The following CPNE4 variants were observed in gnomAD, a reference collection of about 807,000 sequenced individuals.
CPNE4 encodes copine 4.
A neutral mutation model predicts 67.9 loss-of-function variants in CPNE4; 25 were observed. That is an observed-to-expected ratio of 0.37 (90% CI 0.27 to 0.51). The LOEUF (loss-of-function observed/expected upper bound fraction) is 0.51, where lower values mean the gene tolerates loss of function less well. Among genes scored for constraint, CPNE4 ranks in the 20% least tolerant of loss-of-function variants. The pLI, the probability that CPNE4 is intolerant of heterozygous loss-of-function variation, is 0.93. For missense variants in CPNE4, 464 were observed against 690.8 expected (o/e 0.67, Z 3.68); for synonymous variants, 242 against 244.9 (o/e 0.99, Z 0.11).
At chr3:131,650,239 T>C (rs1587678) in intron 7 of CPNE4, among the ~76,000 whole-genome samples, 29,738 of 152,116 alleles carry the variant, frequency 0.2, 3,152 homozygotes, top group African/African-American at 0.28. Context: ...ATATATGACA[T>C]AAAAAATAAT....
At chr3:131,602,788 T>C (rs1273084471) in intron 7 of CPNE4, among the ~76,000 whole-genome samples, 1 of 152,192 alleles carries the variant, frequency 6.6e-6, no homozygotes, top group Non-Finnish European at 1.5e-5. Flanking sequence ...TACCACTCTC[T>C]TCTACCAAAT....
intron 2 of CPNE4, among the ~76,000 whole-genome samples, chr3:131,805,394 G>A (rs58223709): frequency 3.9e-5 from 6 of 152,132 alleles, no homozygotes; most frequent in Non-Finnish European, 2.9e-5. Flanking sequence ...TTGACACTTC[G>A]AATTCAGGGT....
At chr3:131,609,900 C>G (rs573237686) in intron 7 of CPNE4, among the ~76,000 whole-genome samples, 11 of 151,976 alleles carry the variant, frequency 7.2e-5, no homozygotes, top group Non-Finnish European at 4.4e-5. Flanking sequence ...ATATAAGAGC[C>G]CCTACTGGAC....
chr3:131,576,133 A>C (rs1280179987), intron 9 of CPNE4, among the ~76,000 whole-genome samples: 1 of 146,234 alleles, frequency 6.8e-6, no homozygotes, highest in East Asian at 1.9e-4. Context: ...ATTCCATCTA[A>C]TGCTCAGGAA....
At chr3:131,951,418 A>C (rs1170497099) in intron 1 of CPNE4, among the ~76,000 whole-genome samples, 1 of 152,068 alleles carries the variant, frequency 6.6e-6, no homozygotes, top group Non-Finnish European at 1.5e-5. Context: ...TCTCATATAG[A>C]TGTGGCAGAA....
intron 3 of CPNE4, among the ~76,000 whole-genome samples, chr3:131,713,237 T>G (rs986838666): frequency 1.3e-5 from 2 of 152,144 alleles, no homozygotes; most frequent in African/African-American, 4.8e-5. Flanking sequence ...TACTAATGAA[T>G]GTGAGTGTAT....
chr3:132,008,748 TTA>T (rs1361318232), intron 1 of CPNE4, among the ~76,000 whole-genome samples: 2 of 152,184 alleles, frequency 1.3e-5, no homozygotes, highest in Non-Finnish European at 2.9e-5. Context: ...CTCCAAAAAC[TTA>T]TGTTTTTTTT....
At chr3:131,979,308 T>C (rs1235913036) in intron 1 of CPNE4, among the ~76,000 whole-genome samples, 1 of 152,216 alleles carries the variant, frequency 6.6e-6, no homozygotes, top group African/African-American at 2.4e-5. Context: ...TACTATTGTG[T>C]TGCTGTCTAT....
At chr3:131,857,406 T>C (rs578070273) in intron 2 of CPNE4, among the ~76,000 whole-genome samples, 23 of 152,140 alleles carry the variant, frequency 1.5e-4, no homozygotes, top group African/African-American at 4.3e-4. Context: ...TCCTTATTTT[T>C]AAAGTTCCCA....
chr3:131,947,269 G>C (rs147997806), intron 1 of CPNE4, among the ~76,000 whole-genome samples: 205 of 152,218 alleles, frequency 1.3e-3, no homozygotes, highest in African/African-American at 3.1e-3. Context: ...TGCAGAACAT[G>C]CAGTTTTGTT....
intron 3 of CPNE4, among the ~76,000 whole-genome samples, chr3:131,717,549 C>T (rs1351433338): frequency 6.6e-6 from 1 of 152,184 alleles, no homozygotes; most frequent in Non-Finnish European, 1.5e-5. Context: ...AATAGGCCAG[C>T]ATCATGTTAT....
At chr3:131,805,768 C>A (rs2084286003) in intron 2 of CPNE4, among the ~76,000 whole-genome samples, 4 of 152,200 alleles carry the variant, frequency 2.6e-5, no homozygotes, top group Admixed American at 2.6e-4. Flanking sequence ...AGGTGCAGCT[C>A]TTTCATTGCC....
intron 7 of CPNE4, among the ~76,000 whole-genome samples, chr3:131,650,926 T>C (rs78862765): frequency 0.057 from 8,736 of 152,162 alleles, 822 homozygotes; most frequent in African/African-American, 0.2. Flanking sequence ...CATCTCTTTT[T>C]CCCACTTTCT....
At chr3:131,858,935 T>C (rs1424904069) in intron 2 of CPNE4, among the ~76,000 whole-genome samples, 11 of 152,156 alleles carry the variant, frequency 7.2e-5, no homozygotes, top group Non-Finnish European at 1.6e-4. Context: ...GAAAGAGTAA[T>C]GTCTGGACTC....
chr3:131,995,115 A>C (rs534696097), intron 1 of CPNE4, among the ~76,000 whole-genome samples: 1 of 152,146 alleles, frequency 6.6e-6, no homozygotes, highest in African/African-American at 2.4e-5. Context: ...CCTGCCTCCC[A>C]AAATGCTGGC....
chr3:131,972,958 T>C (rs1291283556), intron 1 of CPNE4, among the ~76,000 whole-genome samples: 4 of 152,224 alleles, frequency 2.6e-5, no homozygotes, highest in Admixed American at 2.0e-4. Context: ...CTTTCTCATA[T>C]ATTTTTTTAA....
At chr3:132,007,299 A>C (rs1457407393) in intron 1 of CPNE4, among the ~76,000 whole-genome samples, 7 of 152,108 alleles carry the variant, frequency 4.6e-5, no homozygotes, top group African/African-American at 1.2e-4. Context: ...ATGAGACGTG[A>C]CTCAAATTAT....
intron 1 of CPNE4, among the ~76,000 whole-genome samples, chr3:131,926,348 C>A (rs1216489404): frequency 6.6e-6 from 1 of 151,964 alleles, no homozygotes; most frequent in African/African-American, 2.4e-5. Flanking sequence ...ATTTGTTGAT[C>A]GAAGCGGAAT....
intron 10 of CPNE4, 25 bp downstream of exon 10, chr3:131,575,046 A>T: frequency 6.2e-7 from 1 of 1,601,676 alleles, no homozygotes; most frequent in Non-Finnish European, 8.6e-7. Flanking sequence ...ATAAGAATCA[A>T]GGAATCAACA....
Sources: gnomAD v4.1 joint callset for allele counts (sites outside exome capture counted in the v4.1 genomes callset) on GRCh38, gnomAD v4.1.1 for gene constraint, MANE v1.5 for transcripts, NCBI Gene and HGNC (gene_info 2026-07-23, HGNC 2026-07-21) for gene names.